FANCC: variants seen among roughly 807,000 people sequenced by gnomAD.
FANCC encodes the protein Fanconi anemia group C protein.
A neutral mutation model predicts 71.3 loss-of-function variants in FANCC; 55 were observed. The observed-to-expected ratio is 0.77, with a 90% CI of 0.62 to 0.97. The LOEUF (loss-of-function observed/expected upper bound fraction) is 0.97. Among genes scored for constraint, FANCC ranks in the 50% least tolerant of loss-of-function variants. The pLI is 0.00. For missense variants in FANCC, 678 were observed against 670.9 expected, an observed-to-expected ratio of 1.01 and a Z score of -0.12; for synonymous variants, 275 against 244.9, an observed-to-expected ratio of 1.12 and a Z score of -1.15.
chr9:95,187,355 G>A (rs1217380479), intron 4 of FANCC, among the ~76,000 whole-genome samples: 1 of 152,148 alleles, frequency 6.6e-6, no homozygotes, highest in Admixed American at 6.5e-5. Context: ...TCACGGCCAA[G>A]GCCCACCTCC....
At chr9:95,145,002 A>G (rs1829335982) in intron 7 of FANCC, among the ~76,000 whole-genome samples, 1 of 152,200 alleles carries the variant, frequency 6.6e-6, no homozygotes, top group Non-Finnish European at 1.5e-5. Context: ...TTATTTTTTT[A>G]GCCATGAAAC....
At chr9:95,106,923 C>G in intron 14 of FANCC, 143 bp downstream of exon 14, 1 of 802,324 alleles carries the variant, frequency 1.2e-6, no homozygotes, top group South Asian at 1.5e-5. Flanking sequence ...TCCATCCCAG[C>G]TGTCAACCTC....
chr9:95,262,596 A>G (rs908343394), intron 1 of FANCC, among the ~76,000 whole-genome samples: 15 of 152,304 alleles, frequency 9.8e-5, no homozygotes, highest in African/African-American at 2.9e-4. Flanking sequence ...TAGAATTACC[A>G]TTGATCCAGC....
At chr9:95,247,610 T>G in intron 2 of FANCC, 94 bp from the exon 3 acceptor site, 1 of 799,034 alleles carries the variant, frequency 1.3e-6, no homozygotes, top group South Asian at 1.4e-5. Flanking sequence ...TGAATGCTTC[T>G]TGTTTAGTAT....
rs76923834 is a variant in FANCC at position 95,224,289 on chromosome 9, T to C, written c.345+16360A>G. Among the ~76,000 whole-genome samples the C allele has an allele frequency of 6.8e-3, 1,031 of 152,288 alleles. 6 individuals are homozygous for C. The highest frequency in any genetic ancestry group is 0.011 in the Non-Finnish European group (720 of 68,028). ...AGAGTGAGCCTGCCTTTAAGTGTGC[T>C]GGTGGCAACACATTTTTCAAGTGGC... On this transcript the variant is annotated intron_variant, in intron 4 of 14. Transcript: ENST00000289081.
Position 95,293,753 on chromosome 9 carries a change from T to C in FANCC, c.-79+23773A>G, listed in dbSNP as rs1475781161. 82 of 1,613,896 alleles carry C rather than the reference T, an allele frequency of 5.1e-5. 1 individual carries two copies. In the East Asian group the frequency reaches 1.7e-3, roughly 33 times the overall value. On this transcript the variant is annotated intron_variant, in intron 1 of 14. Coordinates refer to ENST00000289081, the MANE Select transcript of FANCC (RefSeq NM_000136.3). The stretch of plus-strand genomic sequence containing the variant: ...TGCCCAGCTCTAAGGTAACTTCATC[T>C]ATAGCTGCTCAGACTGATGCATTTA...
intron 6 of FANCC, among the ~76,000 whole-genome samples, chr9:95,151,538 C>A (rs570014556): frequency 1.3e-5 from 2 of 152,292 alleles, no homozygotes; most frequent in Admixed American, 6.5e-5. Context: ...TCAGTAGGCA[C>A]TGAGGCTGTT....
At chr9:95,153,227 T>A (rs1830278792) in intron 6 of FANCC, among the ~76,000 whole-genome samples, 1 of 152,246 alleles carries the variant, frequency 6.6e-6, no homozygotes, top group Non-Finnish European at 1.5e-5. Flanking sequence ...ATATACCATA[T>A]TTTCTTTATC....
At chr9:95,297,733 T>C (rs1290719706) in intron 1 of FANCC, among the ~76,000 whole-genome samples, 2 of 152,232 alleles carry the variant, frequency 1.3e-5, no homozygotes, top group Admixed American at 1.3e-4. Flanking sequence ...TGTAGAAATA[T>C]GTATAATGTA....
chr9:95,293,082 A>G, intron 1 of FANCC: 1 of 1,610,862 alleles, frequency 6.2e-7, no homozygotes, highest in Non-Finnish European at 8.5e-7. Context: ...TTAACAACCA[A>G]CCAATCCCTA....
intron 1 of FANCC, among the ~76,000 whole-genome samples, chr9:95,279,172 G>C (rs1833225904): frequency 6.6e-6 from 1 of 151,978 alleles, no homozygotes; most frequent in Admixed American, 6.6e-5. Flanking sequence ...ACAAAAATTA[G>C]CTGGGCATGG....
At chr9:95,202,207 G>T (rs114133981) in intron 4 of FANCC, among the ~76,000 whole-genome samples, 1,593 of 152,332 alleles carry the variant, frequency 0.01, 29 homozygotes, top group African/African-American at 0.037. Context: ...TAAAAGGAAG[G>T]CTCCAGGGGT....
At chr9:95,294,192 T>C in intron 1 of FANCC, 1 of 1,600,084 alleles carries the variant, frequency 6.2e-7, no homozygotes, top group Non-Finnish European at 8.6e-7. Context: ...ACACAAATCC[T>C]GGACCTGACA....
Position 95,107,069 on chromosome 9 carries a change from G to A in FANCC, c.1530C>T (p.Thr510=), listed in dbSNP as rs372199352. 8 of 1,614,028 alleles carry A rather than the reference G, an allele frequency of 5.0e-6. No individual in the cohort carries two copies. Among genetic ancestry groups the A allele is most frequent in the African/African-American group, 1.3e-5 (1 of 74,928 alleles). The change falls in exon 14 of 15, where the codon ACC becomes ACT. Residue 510 remains threonine (T), a synonymous_variant. Transcript: ENST00000289081. ...GGHTIAWDVI[T]LMAHTAEITH... ...GCTGGACCACAGGGAGACTTACCAGGGTGATGACATCCCAGGCGATCGTGT... is the reference window on the plus strand; with the variant it reads ...GCTGGACCACAGGGAGACTTACCAGAGTGATGACATCCCAGGCGATCGTGT...
intron 4 of FANCC, among the ~76,000 whole-genome samples, chr9:95,181,898 C>T (rs992512021): frequency 6.6e-6 from 1 of 152,172 alleles, no homozygotes; most frequent in Non-Finnish European, 1.5e-5. Flanking sequence ...GAGGGAAATC[C>T]ACTGCCCTTG....
Position 95,151,801 on chromosome 9 carries a change from G to A in FANCC, c.522-1714C>T, listed in dbSNP as rs192198950. On this transcript the variant is annotated intron_variant, in intron 6 of 14. Transcript: ENST00000289081. ...AAATTAGCCAGGTGTGGTGGCTTAC[G>A]CCTGCGTTGCAGCTACTCGGGGGGG... 3.0e-4 allele frequency among the ~76,000 whole-genome samples: 45 copies of A among 152,014 alleles called. No homozygotes were observed. The East Asian group carries it at 7.5e-3, about 25-fold the overall frequency.
chr9:95,100,744 C>T lies in FANCC; in HGVS notation c.*963G>A. 1 of 226,668 alleles carries T rather than the reference C, an allele frequency of 4.4e-6. No homozygotes were observed. Among genetic ancestry groups the T allele is most frequent in the African/African-American group, 2.2e-5 (1 of 45,116 alleles). The allele number at this position is 226,668 out of a possible 1,614,324, so 14.0% of individuals were successfully genotyped here. ...CTCCCGGGTTCAAGAGATCCTCATG[C>T]CTCAGCCTCTTGAATAGCTGGGATT... On this transcript the variant is annotated 3_prime_UTR_variant, in exon 15 of 15. Coordinates refer to ENST00000289081, the MANE Select transcript of FANCC (RefSeq NM_000136.3).
chr9:95,146,230 T>C (rs1829522930), intron 7 of FANCC, among the ~76,000 whole-genome samples: 1 of 152,150 alleles, frequency 6.6e-6, no homozygotes, highest in African/African-American at 2.4e-5. Flanking sequence ...CTCATGCCTA[T>C]AATCCCAACA....
At chr9:95,221,964 C>A (rs1290749879) in intron 4 of FANCC, among the ~76,000 whole-genome samples, 3 of 152,054 alleles carry the variant, frequency 2.0e-5, no homozygotes, top group Non-Finnish European at 4.4e-5. Context: ...TACTATCACA[C>A]AATCCAGCAA....
Sources: allele counts gnomAD v4.1 joint callset (sites outside exome capture counted in the v4.1 genomes callset), GRCh38; gene constraint gnomAD v4.1.1; transcripts MANE v1.5; gene names NCBI Gene and HGNC (gene_info 2026-07-23, HGNC 2026-07-21).